ZNF445: variants seen among roughly 807,000 people sequenced by gnomAD.
The protein encoded by ZNF445 is zinc finger protein 445.
Under a neutral mutation model 93.9 loss-of-function variants are expected in ZNF445, and 19 were observed. The ratio of observed to expected loss-of-function variants is 0.20; its 90% CI spans 0.14 to 0.30. The LOEUF is 0.30. Among genes scored for constraint, ZNF445 ranks in the 10% least tolerant of loss-of-function variants. The probability of loss-of-function intolerance (pLI) is 1.00; values close to 1 mark genes in which losing one functional copy is unlikely to be tolerated. For synonymous variants in ZNF445, 449 were observed against 446.3 expected, an observed-to-expected ratio of 1.01 and a Z score of -0.08; for missense variants, 1,058 against 1,259.4, an observed-to-expected ratio of 0.84 and a Z score of 2.42.
At chr3:44,471,729 T>C (rs180698594) in intron 1 of ZNF445, among the ~76,000 whole-genome samples, 275 of 152,134 alleles carry the variant, frequency 1.8e-3, no homozygotes, top group African/African-American at 6.3e-3. Context: ...AGCCCTACTC[T>C]ATGGGCCAAG....
chr3:44,475,208 GTTTTT>G (rs1167973920), intron 1 of ZNF445, among the ~76,000 whole-genome samples: 1 of 151,886 alleles, frequency 6.6e-6, no homozygotes, highest in African/African-American at 2.4e-5. Context: ...GTTTTGTTTT[GTTTTT>G]TTGAGACGGA....
In ZNF445 at chr3:44,477,665, G is replaced by A. The variant is rs1575321646; in HGVS notation, c.-343C>T. On this transcript the variant is annotated 5_prime_UTR_variant, in exon 1 of 8. Coordinates refer to ENST00000396077, the MANE Select transcript of ZNF445 (RefSeq NM_181489.6). ...GCCCGTCCCGCGCCTACCTCCCGGC[G>A]GCTCCAGTCGCGCACGCGCGTCGGC... 2 of 152,584 alleles carry A rather than the reference G, an allele frequency of 1.3e-5. No individual in the cohort carries two copies. Among genetic ancestry groups the A allele is most frequent in the South Asian group, 2.0e-4 (1 of 5,012 alleles). 9.5% of individuals were successfully genotyped at this position (152,584 alleles called of 1,614,324 possible). A position where few individuals can be genotyped will look rare whatever the true frequency, so the allele number is the denominator to read the frequency against.
chr3:44,447,909 AATG>A lies in ZNF445; in HGVS notation c.1759_1761del (p.His587del). ...AGTTTCTCCCCACTTTGGTCTCCCA[AATG>A]ATGATCAAACCCTGAGCTGTAGGTG... is the stretch of plus-strand genomic sequence containing the variant. On this transcript the variant is annotated inframe_deletion, in exon 8 of 8. Transcript: ENST00000396077. The surrounding 1 kb of genome is among the most constrained non-coding windows in gnomAD (Gnocchi z 4.7). 1 of 1,613,850 alleles carries A rather than the reference AATG, an allele frequency of 6.2e-7. No homozygotes were observed. The highest frequency in any genetic ancestry group is 8.5e-7 in the Non-Finnish European group (1 of 1,180,026).
At chr3:44,451,547 A>T in intron 3 of ZNF445, 65 bp from the exon 4 acceptor site, 1 of 1,526,938 alleles carries the variant, frequency 6.5e-7, no homozygotes, top group Non-Finnish European at 8.9e-7. Context: ...CAGAGAAGAG[A>T]CCACATGACC....
chr3:44,435,968 G>A lies in ZNF445; in HGVS notation c.*10607C>T, dbSNP rs1575300915. The A allele has an allele frequency of 6.6e-6, 1 of 152,328 alleles. No homozygotes were observed. Among genetic ancestry groups the A allele is most frequent in the Non-Finnish European group, 1.5e-5 (1 of 68,040 alleles). 9.4% of individuals were successfully genotyped at this position (152,328 alleles called of 1,614,324 possible). A position where few individuals can be genotyped will look rare whatever the true frequency, so the allele number is the denominator to read the frequency against. On this transcript the variant is annotated 3_prime_UTR_variant, in exon 8 of 8. Coordinates refer to ENST00000396077, the MANE Select transcript of ZNF445 (RefSeq NM_181489.6). ...GCCCTTCCCAATGCACAATCACTCT[G>A]ATAAATGGCCTTGGGTGCCTTTGGG...
chr3:44,453,642 C>T (rs1276384794), intron 3 of ZNF445, among the ~76,000 whole-genome samples: 2 of 152,058 alleles, frequency 1.3e-5, no homozygotes, highest in Non-Finnish European at 2.9e-5. Context: ...GTGATAAATG[C>T]TTTTTTAAAA....
chr3:44,450,004 G>C, intron 6 of ZNF445: 1 of 299,462 alleles, frequency 3.3e-6, no homozygotes. Context: ...GCAGTGGTGC[G>C]ATCTTGGCTC....
rs9813733 is a variant in ZNF445 at position 44,453,823 on chromosome 3, G to A, written c.429+1298C>T. Among the ~76,000 whole-genome samples the A allele has an allele frequency of 7.3e-3, 1,107 of 152,214 alleles. 13 individuals carry two copies. The highest frequency in any genetic ancestry group is 0.026 in the African/African-American group (1,063 of 41,520). On this transcript the variant is annotated intron_variant, in intron 3 of 7. Transcript: ENST00000396077. ...GAATATTTACCGAACAAATTCTCAC[G>A]ATTAAACCATTTCTGCATTTTCTTC...
At position 44,444,271 on chromosome 3, in the gene ZNF445, A is replaced by ACAC. The variant is rs1697851558; in HGVS notation, c.*2301_*2303dup. The stretch of plus-strand genomic sequence containing the variant: ...GGAAAGGGACTTTTCCATGGTTACA[A>ACAC]CACCAACTGACATGGAAGCTGCACC... On this transcript the variant is annotated 3_prime_UTR_variant, in exon 8 of 8. Transcript: ENST00000396077. The ACAC allele has an allele frequency of 6.6e-6, 1 of 152,070 alleles. No individual in the cohort carries two copies. The highest frequency in any genetic ancestry group is 2.4e-5 in the African/African-American group (1 of 41,434). 9.4% of individuals were successfully genotyped at this position (152,070 alleles called of 1,614,324 possible).
At chr3:44,469,821 A>G (rs1473387689) in intron 1 of ZNF445, among the ~76,000 whole-genome samples, 2 of 152,192 alleles carry the variant, frequency 1.3e-5, no homozygotes, top group African/African-American at 2.4e-5. Flanking sequence ...AAAGGAGTAC[A>G]TCAAGTGCAG....
In ZNF445 at chr3:44,433,637, T is replaced by C. The variant is rs1369170553; in HGVS notation, c.*12938A>G. 1 of 152,430 alleles carries C rather than the reference T, an allele frequency of 6.6e-6. No homozygotes were observed. The highest frequency in any genetic ancestry group is 1.5e-5 in the Non-Finnish European group (1 of 68,236). The allele number at this position is 152,430 out of a possible 1,614,324, so 9.4% of individuals were successfully genotyped here. ...AAGGTTCAGGGACCAAGTTCTGGCT[T>C]CTGCCCTTAGAGGAGCCGGACCTGC... On this transcript the variant is annotated 3_prime_UTR_variant, in exon 8 of 8. Coordinates refer to ENST00000396077, the MANE Select transcript of ZNF445 (RefSeq NM_181489.6).
At chr3:44,452,849 T>G (rs1697974830) in intron 3 of ZNF445, among the ~76,000 whole-genome samples, 1 of 152,188 alleles carries the variant, frequency 6.6e-6, no homozygotes, top group Non-Finnish European at 1.5e-5. Context: ...CATGTCCTGA[T>G]GTCTTACTTG....
At position 44,448,733 on chromosome 3, in the gene ZNF445, T is replaced by A. The variant is rs779107080; in HGVS notation, c.938A>T (p.Asp313Val). The change falls in exon 8 of 8, where the codon GAC (aspartate) becomes GTC (valine). Residue 313 changes from aspartate to valine, a missense_variant. By Grantham distance (152) the Asp-to-Val change is radical. This residue lies in a region of ZNF445 where 657 missense variants were observed against 746.4 expected (regional missense o/e 0.88). Coordinates refer to ENST00000396077, the MANE Select transcript of ZNF445 (RefSeq NM_181489.6). The part of the protein sequence containing the change: ...GNPVAAPTGD[D>V]LQSKTNKFIL... ...GAATTTGTTTGTTTTACTCTGGAGG[T>A]CATCTCCTGACAAAAAATATAACAC... 6 of 1,608,718 alleles carry A rather than the reference T, an allele frequency of 3.7e-6. 1 individual carries two copies. The highest frequency in any genetic ancestry group is 3.3e-5 in the South Asian group (3 of 90,004).
At chr3:44,469,991 G>A (rs9874590) in intron 1 of ZNF445, among the ~76,000 whole-genome samples, 6 of 151,996 alleles carry the variant, frequency 3.9e-5, no homozygotes, top group Admixed American at 3.3e-4. Context: ...GCAGTAGCAC[G>A]ATCACAGCTC....
intron 1 of ZNF445, among the ~76,000 whole-genome samples, chr3:44,472,656 C>T (rs1032207930): frequency 6.6e-6 from 1 of 152,212 alleles, no homozygotes; most frequent in African/African-American, 2.4e-5. Context: ...ACCTCACGGG[C>T]CTCTCAAACT....
rs1286625014 is a variant in ZNF445 at position 44,436,188 on chromosome 3, TTACTC to T, written c.*10382_*10386del. ...TTCACCAGATCTGGAGCTTTCCTAC[TTACTC>T]GGATCAAGTAAAACTTTAGTAGGCA... is the stretch of plus-strand genomic sequence containing the variant. On this transcript the variant is annotated 3_prime_UTR_variant, in exon 8 of 8. Transcript: ENST00000396077. The T allele has an allele frequency of 6.6e-6, 1 of 152,228 alleles. No individual in the cohort carries two copies. The highest frequency in any genetic ancestry group is 1.5e-5 in the Non-Finnish European group (1 of 68,042). 9.4% of individuals were successfully genotyped at this position (152,228 alleles called of 1,614,324 possible). A position where few individuals can be genotyped will look rare whatever the true frequency, so the allele number is the denominator to read the frequency against.
intron 4 of ZNF445, 128 bp downstream of exon 4, chr3:44,451,186 G>A: frequency 1.6e-6 from 2 of 1,239,560 alleles, no homozygotes; most frequent in South Asian, 2.8e-5. Context: ...AATGGATGGA[G>A]AGGACAGAGA....
At position 44,477,661 on chromosome 3, in the gene ZNF445, C is replaced by T. The variant is rs1698387933; in HGVS notation, c.-339G>A. 6.6e-6 allele frequency: 1 copy of T among 152,558 alleles called. No individual in the cohort carries two copies. The allele number at this position is 152,558 out of a possible 1,614,324, so 9.5% of individuals were successfully genotyped here. On this transcript the variant is annotated 5_prime_UTR_variant, in exon 1 of 8. Coordinates refer to ENST00000396077, the MANE Select transcript of ZNF445 (RefSeq NM_181489.6). The stretch of plus-strand genomic sequence containing the variant: ...AGCCGCCCGTCCCGCGCCTACCTCC[C>T]GGCGGCTCCAGTCGCGCACGCGCGT...
rs1698016684 is a variant in ZNF445, at chr3:44,455,539, C to T, written c.11G>A (p.Gly4Asp). The T allele has an allele frequency of 6.3e-7, 1 of 1,596,718 alleles. No individual in the cohort carries two copies. Among genetic ancestry groups the T allele is most frequent in the Non-Finnish European group, 8.5e-7 (1 of 1,171,658 alleles). ...AGCTGGATAGGCAGCATGCCACCTG[C>T]CTGGAGGCATCACTCCTGTTCAGGG... Reference protein sequence around the residue: MPPGRWHAAYPAQA... With the variant: MPPDRWHAAYPAQA... Residue 4 changes from glycine to aspartate, a missense_variant, in exon 3 of 8, where the codon GGC becomes GAC. Coordinates refer to ENST00000396077, the MANE Select transcript of ZNF445 (RefSeq NM_181489.6).
Sources: gnomAD v4.1 joint callset for allele counts (sites outside exome capture counted in the v4.1 genomes callset) on GRCh38, gnomAD v4.1.1 for gene constraint, gnomAD v4.1.1 regional missense constraint, Gnocchi (gnomAD v3.1) non-coding constraint, MANE v1.5 for transcripts, NCBI Gene and HGNC (gene_info 2026-07-23, HGNC 2026-07-21) for gene names.